NLGN1: variants seen among roughly 807,000 people sequenced by gnomAD.
The protein encoded by NLGN1 is neuroligin-1.
NLGN1 carries 12 observed loss-of-function variants against 65.5 expected under a neutral mutation model. The ratio of observed to expected loss-of-function variants is 0.18; its 90% CI spans 0.12 to 0.30. The LOEUF is 0.30. NLGN1 is among the 10% of genes least tolerant of loss of function. The pLI, the probability that NLGN1 is intolerant of heterozygous loss-of-function variation, is 1.00. For missense variants in NLGN1, 750 were observed against 1,007.1 expected (o/e 0.74, Z 3.46); for synonymous variants, 350 against 359.5 (o/e 0.97, Z 0.30).
At chr3:174,242,596 GCTT>G (rs1408637507) in intron 4 of NLGN1, among the ~76,000 whole-genome samples, 14 of 152,176 alleles carry the variant, frequency 9.2e-5, no homozygotes, top group Admixed American at 7.9e-4. Context: ...TAGGTTGTGT[GCTT>G]CTTATGAGAA....
At chr3:174,150,163 A>G (rs1724054909) in intron 4 of NLGN1, among the ~76,000 whole-genome samples, 1 of 152,138 alleles carries the variant, frequency 6.6e-6, no homozygotes, top group Admixed American at 6.5e-5. Flanking sequence ...ATTCAATAGA[A>G]ACTTAGTTAT....
intron 3 of NLGN1, among the ~76,000 whole-genome samples, chr3:173,659,791 G>A (rs1290039700): frequency 6.6e-6 from 1 of 151,688 alleles, no homozygotes; most frequent in African/African-American, 2.4e-5. Context: ...GTTTAGAAGG[G>A]GGTGGTGGTT....
chr3:173,977,123 GCA>G lies in NLGN1; in HGVS notation c.646+169305_646+169306del, dbSNP rs35224305. Among the ~76,000 whole-genome samples, 28 of 146,450 alleles carry G rather than the reference GCA, an allele frequency of 1.9e-4. No homozygotes were observed. The South Asian group carries it at 4.5e-3, about 24-fold the overall frequency. On this transcript the variant is annotated intron_variant, in intron 4 of 6. Transcript: ENST00000457714. ...CACACACACGCACACACACACACACGCACACACACACACACCATTTCAACTGT... is the reference window on the plus strand; with the variant it reads ...CACACACACGCACACACACACACACGCACACACACACACCATTTCAACTGT...
chr3:173,515,489 G>T (rs1469450237), intron 2 of NLGN1, among the ~76,000 whole-genome samples: 2 of 151,960 alleles, frequency 1.3e-5, no homozygotes, highest in African/African-American at 4.8e-5. Flanking sequence ...TTTTTAGTTT[G>T]CTGTAGTCCC....
At chr3:174,052,028 G>A (rs919621978) in intron 4 of NLGN1, among the ~76,000 whole-genome samples, 2 of 152,016 alleles carry the variant, frequency 1.3e-5, no homozygotes, top group African/African-American at 4.8e-5. Flanking sequence ...GGCATAATCG[G>A]TTTTAACACT....
At chr3:174,049,238 T>C (rs1734281145) in intron 4 of NLGN1, among the ~76,000 whole-genome samples, 2 of 152,222 alleles carry the variant, frequency 1.3e-5, no homozygotes, top group South Asian at 4.1e-4. Context: ...GCAGTAGCTA[T>C]TGATATTTTC....
intron 2 of NLGN1, among the ~76,000 whole-genome samples, chr3:173,491,057 T>G (rs1729053785): frequency 6.6e-6 from 1 of 151,844 alleles, no homozygotes; most frequent in Non-Finnish European, 1.5e-5. Flanking sequence ...CAATTTGACT[T>G]CCTCTTTTCC....
chr3:173,550,042 G>T (rs1311891318), intron 2 of NLGN1, among the ~76,000 whole-genome samples: 3 of 152,030 alleles, frequency 2.0e-5, no homozygotes, highest in African/African-American at 7.2e-5. Flanking sequence ...TCTGAAAGCT[G>T]TAAAAGTGTC....
chr3:173,828,937 G>GA (rs398106758), intron 4 of NLGN1, among the ~76,000 whole-genome samples: 1 of 151,734 alleles, frequency 6.6e-6, no homozygotes, highest in African/African-American at 2.4e-5. Context: ...TTTTGGGGGG[G>GA]ATTAATTTGG....
intron 1 of NLGN1, among the ~76,000 whole-genome samples, chr3:173,414,618 G>T (rs1274784632): frequency 6.7e-6 from 1 of 150,214 alleles, no homozygotes; most frequent in Admixed American, 6.6e-5. Flanking sequence ...TCTTAGTCTA[G>T]AAAGAGGGAC....
intron 4 of NLGN1, among the ~76,000 whole-genome samples, chr3:173,885,777 T>A (rs895735265): frequency 2.6e-4 from 40 of 152,122 alleles, no homozygotes; most frequent in African/African-American, 9.4e-4. Context: ...GGAAGAAAGA[T>A]ATAAAAAATT....
intron 4 of NLGN1, among the ~76,000 whole-genome samples, chr3:174,222,222 T>C (rs563831132): frequency 6.6e-6 from 1 of 152,260 alleles, no homozygotes. Context: ...CGGTCTGTGA[T>C]TTTATGGTAT....
intron 2 of NLGN1, among the ~76,000 whole-genome samples, chr3:173,537,990 C>T (rs760916129): frequency 1.3e-5 from 2 of 152,124 alleles, no homozygotes; most frequent in Non-Finnish European, 2.9e-5. Context: ...GCTTCCAGGT[C>T]AATGGAATAA....
In NLGN1 at chr3:174,203,903, T is replaced by C. The variant is rs374929724; in HGVS notation, c.647-71412T>C. Among the ~76,000 whole-genome samples, 15 of 152,328 alleles carry C rather than the reference T, an allele frequency of 9.8e-5. No homozygotes were observed. In the East Asian group the frequency reaches 2.7e-3, roughly 27 times the overall value. On this transcript the variant is annotated intron_variant, in intron 4 of 6. Coordinates refer to ENST00000457714, the Ensembl canonical transcript of NLGN1. ...ACAAAACAAATTTCCTGGGTAGATA[T>C]TATAATTTGTTTCAGATAATATAGA...
intron 3 of NLGN1, among the ~76,000 whole-genome samples, chr3:173,629,542 T>G (rs970580187): frequency 2.0e-5 from 3 of 152,160 alleles, no homozygotes; most frequent in Non-Finnish European, 4.4e-5. Flanking sequence ...TTAGGTATGA[T>G]TAGTAAAAGA....
At chr3:173,990,392 A>G (rs1421369588) in intron 4 of NLGN1, among the ~76,000 whole-genome samples, 2 of 152,220 alleles carry the variant, frequency 1.3e-5, no homozygotes, top group African/African-American at 4.8e-5. Context: ...GTAAGCCAAT[A>G]GTACCTCATA....
At chr3:174,254,059 T>C (rs1352012576) in intron 4 of NLGN1, among the ~76,000 whole-genome samples, 1 of 152,186 alleles carries the variant, frequency 6.6e-6, no homozygotes, top group Non-Finnish European at 1.5e-5. Context: ...TGTAAACAGC[T>C]AACTCAGAAC....
intron 3 of NLGN1, among the ~76,000 whole-genome samples, chr3:173,611,570 T>C (rs1752297942): frequency 6.6e-6 from 1 of 152,072 alleles, no homozygotes. Context: ...AAAACTATAT[T>C]GAACCAGAGA....
At chr3:174,013,969 C>T (rs1726052484) in intron 4 of NLGN1, among the ~76,000 whole-genome samples, 2 of 152,082 alleles carry the variant, frequency 1.3e-5, no homozygotes, top group Non-Finnish European at 2.9e-5. Context: ...CTCTCTTCAG[C>T]CTCCCAAAGT....
Sources: allele counts gnomAD v4.1 joint callset (sites outside exome capture counted in the v4.1 genomes callset), GRCh38; gene constraint gnomAD v4.1.1; transcripts MANE v1.5; gene names NCBI Gene and HGNC (gene_info 2026-07-23, HGNC 2026-07-21).